EMC1: variants seen among roughly 807,000 people sequenced by gnomAD.
EMC1 encodes KIAA0090.
EMC1 carries 103 observed loss-of-function variants against 128.8 expected under a neutral mutation model. The ratio of observed to expected loss-of-function variants is 0.80; its 90% CI spans 0.68 to 0.94. EMC1 has a LOEUF of 0.94. Among genes scored for constraint, EMC1 ranks in the 40% least tolerant of loss-of-function variants. EMC1 has a pLI of 0.00. For missense variants in EMC1, 1,083 were observed against 1,250.6 expected, an observed-to-expected ratio of 0.87 and a Z score of 2.02; for synonymous variants, 442 against 490.4, an observed-to-expected ratio of 0.90 and a Z score of 1.30.
intron 12 of EMC1, among the ~76,000 whole-genome samples, 172 bp downstream of exon 12, chr1:19,236,967 CAAA>C (rs35897979): frequency 2.1e-4 from 12 of 58,380 alleles, no homozygotes; most frequent in Admixed American, 8.2e-4. Context: ...GACTCTATCT[CAAA>C]AAAAAAAAAA....
In EMC1 at chr1:19,243,717, A is replaced by C. The variant is rs1042612523; in HGVS notation, c.287-10T>G. ...GACACAGTGATCACATCTGGAAAAG[A>C]AAAGATCGTGGTGAAGTCATTTCCC... On this transcript the variant is annotated splice_polypyrimidine_tract_variant and intron_variant, in intron 3 of 22. Coordinates refer to ENST00000477853, the MANE Select transcript of EMC1 (RefSeq NM_015047.3). 1.2e-6 allele frequency: 2 copies of C among 1,613,822 alleles called. No homozygotes were observed. The highest frequency in any genetic ancestry group is 1.7e-5 in the Admixed American group (1 of 60,024).
chr1:19,243,789 C>A, intron 3 of EMC1, 82 bp from the exon 4 acceptor site: 2 of 1,490,492 alleles, frequency 1.3e-6, no homozygotes, highest in Non-Finnish European at 1.9e-6. Flanking sequence ...AGTGGCCTCA[C>A]CTCTGATTTC....
chr1:19,234,829 G>A (rs2093551025), intron 13 of EMC1, among the ~76,000 whole-genome samples: 1 of 151,676 alleles, frequency 6.6e-6, no homozygotes, highest in East Asian at 1.9e-4. Flanking sequence ...CTGGGTGACA[G>A]AGCGAGACTC....
chr1:19,244,707 A>G (rs556128150), intron 2 of EMC1, 199 bp downstream of exon 2: 23 of 520,198 alleles, frequency 4.4e-5, no homozygotes, highest in South Asian at 4.1e-4. Flanking sequence ...AGCTGAGAGA[A>G]CAAACCGCAA....
chr1:19,223,336 G>T, intron 19 of EMC1, 60 bp downstream of exon 19: 1 of 1,475,226 alleles, frequency 6.8e-7, no homozygotes, highest in Non-Finnish European at 9.3e-7. Flanking sequence ...TTTCTGGAAA[G>T]GACTCAGGAG....
At chr1:19,250,531 C>G (rs2093654004) in intron 1 of EMC1, among the ~76,000 whole-genome samples, 1 of 152,132 alleles carries the variant, frequency 6.6e-6, no homozygotes, top group South Asian at 2.1e-4. Flanking sequence ...AACAGGTACT[C>G]AACATATATG....
intron 18 of EMC1, among the ~76,000 whole-genome samples, chr1:19,223,951 T>G (rs1008591372): frequency 2.0e-5 from 3 of 152,192 alleles, no homozygotes; most frequent in African/African-American, 4.8e-5. Context: ...ATTTTTCTTC[T>G]GAGGGTCACC....
intron 21 of EMC1, 56 bp from the exon 22 acceptor site, chr1:19,219,754 G>A: frequency 6.2e-7 from 1 of 1,601,736 alleles, no homozygotes; most frequent in Non-Finnish European, 8.5e-7. Flanking sequence ...GGGATCTCTT[G>A]GCTGCCCTTC....
At chr1:19,232,878 T>C in intron 14 of EMC1, 58 bp downstream of exon 14, 1 of 1,606,608 alleles carries the variant, frequency 6.2e-7, no homozygotes, top group Non-Finnish European at 8.5e-7. Context: ...GAAGGCTTTT[T>C]GTTCCTCACC....
At chr1:19,237,311 TCAAAG>T in intron 11 of EMC1, 73 bp from the exon 12 acceptor site, 1 of 1,048,944 alleles carries the variant, frequency 9.5e-7, no homozygotes, top group Non-Finnish European at 1.5e-6. Flanking sequence ...ACCCCAGGAG[TCAAAG>T]CCTGGACTTA....
intron 21 of EMC1, 175 bp downstream of exon 21, chr1:19,220,589 T>C (rs940109443): frequency 4.1e-6 from 2 of 492,674 alleles, no homozygotes; most frequent in Non-Finnish European, 7.3e-6. Flanking sequence ...TTATTGTCCA[T>C]TTCCCAGCAG....
chr1:19,223,603 C>G, intron 18 of EMC1, 34 bp from the exon 19 acceptor site: 1 of 1,603,546 alleles, frequency 6.2e-7, no homozygotes. Flanking sequence ...CTTAGAACCA[C>G]GACGACTCAT....
At chr1:19,248,669 C>T (rs1442379545) in intron 1 of EMC1, among the ~76,000 whole-genome samples, 5 of 152,136 alleles carry the variant, frequency 3.3e-5, no homozygotes, top group African/African-American at 9.7e-5. Flanking sequence ...CCACCCGCCT[C>T]GGCCTCCCAA....
At chr1:19,228,846 G>A (rs925601219) in intron 17 of EMC1, among the ~76,000 whole-genome samples, 2 of 152,164 alleles carry the variant, frequency 1.3e-5, no homozygotes, top group Admixed American at 6.5e-5. Context: ...GAGGTCAGGA[G>A]TTTGAGACCA....
chr1:19,234,057 C>CAA (rs747260759), intron 13 of EMC1: 1 of 222,892 alleles, frequency 4.5e-6, no homozygotes, highest in Non-Finnish European at 7.5e-6. Context: ...TGGCAGTCAA[C>CAA]ACACACACAC....
intron 17 of EMC1, among the ~76,000 whole-genome samples, chr1:19,229,618 A>G (rs1167221407): frequency 6.6e-6 from 1 of 152,148 alleles, no homozygotes; most frequent in African/African-American, 2.4e-5. Context: ...TTATTTATTT[A>G]TGTTTTCATT....
rs548783472 is a variant in EMC1, at chr1:19,225,149, G to A, written c.2203-1580C>T. Among the ~76,000 whole-genome samples, 6 of 152,288 alleles carry A rather than the reference G, an allele frequency of 3.9e-5. No homozygotes were observed. In the East Asian group the frequency reaches 1.2e-3, roughly 29 times the overall value. On this transcript the variant is annotated intron_variant, in intron 18 of 22. Coordinates refer to ENST00000477853, the MANE Select transcript of EMC1 (RefSeq NM_015047.3). ...TATGATGAAAGCCTCACGAGGTCAG[G>A]AAGTTTTGTCTGTTTTGCCCATTTT...
chr1:19,234,234 C>G (rs949059944), intron 13 of EMC1: 12 of 978,226 alleles, frequency 1.2e-5, no homozygotes, highest in Non-Finnish European at 1.5e-5. Context: ...AATTAATCCT[C>G]AGCTTAAGAA....
At chr1:19,246,117 G>A (rs2093631122) in intron 1 of EMC1, among the ~76,000 whole-genome samples, 1 of 152,032 alleles carries the variant, frequency 6.6e-6, no homozygotes, top group African/African-American at 2.4e-5. Flanking sequence ...CAGGCCAGGC[G>A]CAGTGGCTCA....
Sources: gnomAD v4.1 joint callset for allele counts (sites outside exome capture counted in the v4.1 genomes callset) on GRCh38, gnomAD v4.1.1 for gene constraint, MANE v1.5 for transcripts, NCBI Gene and HGNC (gene_info 2026-07-23, HGNC 2026-07-21) for gene names.